The following HOMER1 variants were observed in gnomAD, a reference collection of about 807,000 sequenced individuals.
HOMER1 encodes homer protein homolog 1.
A neutral mutation model predicts 48.9 loss-of-function variants in HOMER1; 3 were observed. The observed-to-expected ratio is 0.06, with a 90% confidence interval of 0.03 to 0.16. HOMER1 has a LOEUF of 0.16. Among genes scored for constraint, HOMER1 ranks in the 10% least tolerant of loss-of-function variants. The pLI, the probability that HOMER1 is intolerant of heterozygous loss-of-function variation, is 1.00. For missense variants in HOMER1, 247 were observed against 411.4 expected (o/e 0.60, Z 3.46); for synonymous variants, 134 against 146.4 (o/e 0.92, Z 0.61).
chr5:79,435,626 T>C (rs919390645), intron 5 of HOMER1, among the ~76,000 whole-genome samples: 1 of 151,818 alleles, frequency 6.6e-6, no homozygotes, highest in Non-Finnish European at 1.5e-5. Flanking sequence ...GGTCAGGAGA[T>C]TGAGACCATC....
At chr5:79,497,243 A>G (rs897446259) in intron 1 of HOMER1, among the ~76,000 whole-genome samples, 2 of 152,184 alleles carry the variant, frequency 1.3e-5, no homozygotes, top group Admixed American at 6.5e-5. Flanking sequence ...ATTCAGAAAT[A>G]TCAAAAAGCA....
In HOMER1 at chr5:79,374,233, A is replaced by C. The variant is rs1461314494; in HGVS notation, c.*1776T>G. 6.6e-6 allele frequency: 1 copy of C among 152,418 alleles called. No homozygotes were observed. Among genetic ancestry groups the C allele is most frequent in the Middle Eastern group, 3.2e-3 (1 of 316 alleles). The allele number at this position is 152,418 out of a possible 1,614,324, so 9.4% of individuals were successfully genotyped here. A position where few individuals can be genotyped will look rare whatever the true frequency, so the allele number is the denominator to read the frequency against. The stretch of plus-strand genomic sequence containing the variant: ...AGCTCTGAGCATGTGTATCTAAATT[A>C]TTCTCCCTATAATATATAGGTGAGG... On this transcript the variant is annotated 3_prime_UTR_variant, in exon 9 of 9. Transcript: ENST00000334082.
intron 1 of HOMER1, among the ~76,000 whole-genome samples, chr5:79,486,538 T>C (rs148909477): frequency 6.6e-6 from 1 of 152,346 alleles, no homozygotes; most frequent in East Asian, 1.9e-4. Context: ...CATCACAATA[T>C]TGCTATTGAT....
intron 1 of HOMER1, among the ~76,000 whole-genome samples, chr5:79,470,098 G>C (rs1038064629): frequency 2.6e-5 from 4 of 152,138 alleles, no homozygotes; most frequent in Admixed American, 6.5e-5. Flanking sequence ...TTTCCTGAAA[G>C]TGAATTTTAT....
chr5:79,452,515 AT>A (rs1751056778), intron 2 of HOMER1, among the ~76,000 whole-genome samples: 1 of 152,228 alleles, frequency 6.6e-6, no homozygotes, highest in Non-Finnish European at 1.5e-5. Flanking sequence ...GAACTCTTAA[AT>A]GTGGAATGAT....
rs375388997 is a variant in HOMER1 at position 79,491,489 on chromosome 5, G to A, written c.5+21281C>T. 1.5e-4 allele frequency among the ~76,000 whole-genome samples: 22 copies of A among 146,608 alleles called. 1 individual carries two copies. The highest frequency in any genetic ancestry group is 7.5e-4 in the Admixed American group (11 of 14,730). Reference sequence around the variant, plus strand: ...GAGTTAAAAAATACAATTCAGTTGAGTACTAGAAATGTAACTGAATACTCA... The same window carrying A: ...GAGTTAAAAAATACAATTCAGTTGAATACTAGAAATGTAACTGAATACTCA... On this transcript the variant is annotated intron_variant, in intron 1 of 8. Transcript: ENST00000334082.
At chr5:79,450,371 T>A (rs1402392218) in intron 3 of HOMER1, among the ~76,000 whole-genome samples, 2 of 152,218 alleles carry the variant, frequency 1.3e-5, no homozygotes, top group Non-Finnish European at 2.9e-5. Context: ...AAACATTACA[T>A]GGCTTTTGCT....
chr5:79,468,980 T>A (rs1322862845), intron 1 of HOMER1, among the ~76,000 whole-genome samples: 2 of 152,232 alleles, frequency 1.3e-5, no homozygotes, highest in African/African-American at 2.4e-5. Flanking sequence ...ATTTCTGAGC[T>A]TGTTTAAAAC....
chr5:79,384,162 AGAG>A (rs1430108649), intron 8 of HOMER1, among the ~76,000 whole-genome samples: 7 of 151,730 alleles, frequency 4.6e-5, no homozygotes, highest in African/African-American at 1.7e-4. Context: ...AATAAAGATC[AGAG>A]GAGAACAAAA....
intron 5 of HOMER1, among the ~76,000 whole-genome samples, chr5:79,407,096 G>C (rs1007975064): frequency 6.6e-6 from 1 of 152,124 alleles, no homozygotes; most frequent in African/African-American, 2.4e-5. Flanking sequence ...CTAAGCACAA[G>C]GTAATGCTAG....
intron 5 of HOMER1, among the ~76,000 whole-genome samples, chr5:79,423,290 T>C (rs951982220): frequency 1.3e-5 from 2 of 152,180 alleles, no homozygotes; most frequent in Non-Finnish European, 2.9e-5. Context: ...TCCCCAAGTA[T>C]AGAAGATTTA....
intron 4 of HOMER1, 82 bp from the exon 5 acceptor site, chr5:79,439,231 T>C: frequency 7.4e-7 from 1 of 1,347,852 alleles, no homozygotes; most frequent in Non-Finnish European, 1.0e-6. Flanking sequence ...AAAACTGCCT[T>C]TGATGTATGC....
chr5:79,492,926 T>TC (rs1325607020), intron 1 of HOMER1, among the ~76,000 whole-genome samples: 1 of 146,340 alleles, frequency 6.8e-6, no homozygotes, highest in East Asian at 2.0e-4. Flanking sequence ...TTTTTTTTTT[T>TC]TTTTTTTTTA....
intron 1 of HOMER1, among the ~76,000 whole-genome samples, chr5:79,482,819 G>T (rs1452632487): frequency 6.6e-6 from 1 of 150,742 alleles, no homozygotes; most frequent in African/African-American, 2.5e-5. Flanking sequence ...AACATGGCAA[G>T]ACCCTGTCTC....
At chr5:79,509,857 T>A (rs1752885906) in intron 1 of HOMER1, among the ~76,000 whole-genome samples, 1 of 152,246 alleles carries the variant, frequency 6.6e-6, no homozygotes. Context: ...AGATAAATCC[T>A]TATTATAACC....
At chr5:79,456,655 T>G (rs1449777551) in intron 2 of HOMER1, among the ~76,000 whole-genome samples, 4 of 152,228 alleles carry the variant, frequency 2.6e-5, no homozygotes, top group African/African-American at 9.6e-5. Context: ...GTAGAATATT[T>G]TGGCATGTAA....
intron 5 of HOMER1, among the ~76,000 whole-genome samples, chr5:79,430,474 A>G (rs1750392448): frequency 6.6e-6 from 1 of 152,268 alleles, no homozygotes; most frequent in Non-Finnish European, 1.5e-5. Context: ...GGCTAAACAT[A>G]GAATTACCAC....
At chr5:79,423,541 C>T (rs1267710478) in intron 5 of HOMER1, among the ~76,000 whole-genome samples, 3 of 152,108 alleles carry the variant, frequency 2.0e-5, no homozygotes, top group Non-Finnish European at 2.9e-5. Context: ...TAGGACACTA[C>T]TTTTTTTCTA....
At chr5:79,389,768 T>C (rs1749201233) in intron 8 of HOMER1, among the ~76,000 whole-genome samples, 1 of 152,222 alleles carries the variant, frequency 6.6e-6, no homozygotes. Context: ...TGTAGTTTTC[T>C]ATTACAGCAG....
Sources: allele counts gnomAD v4.1 joint callset (sites outside exome capture counted in the v4.1 genomes callset), GRCh38; gene constraint gnomAD v4.1.1; transcripts MANE v1.5; gene names NCBI Gene and HGNC (gene_info 2026-07-23, HGNC 2026-07-21).